PROM1: variants seen among roughly 807,000 people sequenced by gnomAD.
The protein encoded by PROM1 is prominin-1.
In PROM1, 105 loss-of-function variants were observed where a neutral mutation model predicts 116.9. The observed-to-expected ratio is 0.90, with a 90% confidence interval of 0.77 to 1.06. PROM1 has a LOEUF of 1.06. Among genes scored for constraint, PROM1 ranks in the 50% least tolerant of loss-of-function variants. The probability of loss-of-function intolerance (pLI) is 0.00; values close to 1 mark genes in which losing one functional copy is unlikely to be tolerated. For synonymous variants in PROM1, 393 were observed against 387.0 expected (o/e 1.02, Z -0.18); for missense variants, 1,122 against 1,045.2 (o/e 1.07, Z -1.01).
At chr4:16,025,561 C>T (rs1351009390) in intron 5 of PROM1, among the ~76,000 whole-genome samples, 2 of 152,218 alleles carry the variant, frequency 1.3e-5, no homozygotes, top group African/African-American at 4.8e-5. Context: ...CAAAATGACT[C>T]TCGTCAATGG....
At chr4:16,025,632 A>G (rs1327803745) in intron 5 of PROM1, among the ~76,000 whole-genome samples, 4 of 152,226 alleles carry the variant, frequency 2.6e-5, no homozygotes, top group Non-Finnish European at 5.9e-5. Context: ...GGCAGCATGC[A>G]TGATCCAGTC....
chr4:16,003,194 T>A, intron 13 of PROM1: 1 of 425,818 alleles, frequency 2.3e-6, no homozygotes, highest in Non-Finnish European at 4.8e-6. Context: ...TCAGGGGCCA[T>A]GTGATCTTCC....
At chr4:16,053,695 T>C (rs1020753702) in intron 2 of PROM1, among the ~76,000 whole-genome samples, 4 of 152,182 alleles carry the variant, frequency 2.6e-5, no homozygotes, top group African/African-American at 9.6e-5. Flanking sequence ...AAAAGATAAA[T>C]AAAGCAAATA....
At chr4:15,997,079 C>T (rs892679489) in intron 15 of PROM1, among the ~76,000 whole-genome samples, 9 of 151,822 alleles carry the variant, frequency 5.9e-5, no homozygotes, top group African/African-American at 1.9e-4. Flanking sequence ...TTCCCTGTGG[C>T]TCATAGCAGA....
chr4:15,986,066 T>C (rs1207950943), intron 20 of PROM1, 29 bp from the exon 21 acceptor site: 6 of 1,454,466 alleles, frequency 4.1e-6, no homozygotes, highest in Non-Finnish European at 5.7e-6. Context: ...GTTATCAGGG[T>C]ATCAAGTCAT....
chr4:15,979,010 A>AGAAAGAAG (rs1553888640), intron 26 of PROM1, among the ~76,000 whole-genome samples: 1 of 148,442 alleles, frequency 6.7e-6, no homozygotes, highest in East Asian at 2.0e-4. Context: ...AAGGAAGGAA[A>AGAAAGAAG]GAAGGAAGGA....
intron 2 of PROM1, among the ~76,000 whole-genome samples, chr4:16,041,789 T>A (rs6846644): frequency 0.019 from 1,579 of 83,118 alleles, 9 homozygotes; most frequent in Non-Finnish European, 0.025. Flanking sequence ...TAAATAAATA[T>A]ATATATATAT....
chr4:16,039,028 T>C (rs749807998), intron 2 of PROM1, 27 bp from the exon 3 acceptor site: 95 of 1,451,966 alleles, frequency 6.5e-5, no homozygotes, highest in Non-Finnish European at 6.3e-5. Context: ...AAAATAGCAA[T>C]ATTATTTTTT....
intron 22 of PROM1, among the ~76,000 whole-genome samples, chr4:15,985,166 G>C (rs901292018): frequency 7.2e-5 from 11 of 152,208 alleles, no homozygotes; most frequent in African/African-American, 2.6e-4. Flanking sequence ...TATTTACATA[G>C]CATGTACATT....
chr4:15,997,744 C>T, intron 15 of PROM1, among the ~76,000 whole-genome samples: 1 of 152,174 alleles, frequency 6.6e-6, no homozygotes, highest in East Asian at 1.9e-4. Flanking sequence ...GGATTATAGG[C>T]ATGAGCCACT....
chr4:16,043,824 C>T (rs1309468777), intron 2 of PROM1, among the ~76,000 whole-genome samples: 1 of 152,222 alleles, frequency 6.6e-6, no homozygotes, highest in Non-Finnish European at 1.5e-5. Context: ...CTGCCAGCCT[C>T]TCCAGGGTGT....
chr4:15,992,144 A>G (rs1721214853), intron 17 of PROM1, 104 bp downstream of exon 17: 1 of 1,445,306 alleles, frequency 6.9e-7, no homozygotes. Flanking sequence ...ATAGTCTTAC[A>G]TCATGTGAAT....
At chr4:16,020,288 T>C (rs959951575) in intron 8 of PROM1, among the ~76,000 whole-genome samples, 21 of 152,216 alleles carry the variant, frequency 1.4e-4, no homozygotes, top group African/African-American at 5.1e-4. Flanking sequence ...GTATTTTCTC[T>C]TGAATTTCAG....
chr4:16,066,596 C>G (rs1741589751), intron 2 of PROM1, among the ~76,000 whole-genome samples: 1 of 152,196 alleles, frequency 6.6e-6, no homozygotes, highest in Non-Finnish European at 1.5e-5. Flanking sequence ...TGTCATCTCT[C>G]CTGGAAAAGT....
At chr4:15,986,922 C>G (rs1168867920) in intron 20 of PROM1, among the ~76,000 whole-genome samples, 2 of 152,188 alleles carry the variant, frequency 1.3e-5, no homozygotes, top group Middle Eastern at 3.2e-3. Context: ...TCTGAGTTGC[C>G]CATTGGTACT....
chr4:15,987,854 A>G (rs1719854409), intron 19 of PROM1, 138 bp from the exon 20 acceptor site: 2 of 690,664 alleles, frequency 2.9e-6, no homozygotes, highest in Non-Finnish European at 4.8e-6. Context: ...AAAATAACCA[A>G]CACAATTAAC....
intron 27 of PROM1, among the ~76,000 whole-genome samples, chr4:15,970,711 T>C (rs1023225560): frequency 3.9e-5 from 6 of 152,192 alleles, no homozygotes; most frequent in African/African-American, 1.4e-4. Flanking sequence ...ATACTGTATA[T>C]CATCTCTAGA....
intron 3 of PROM1, among the ~76,000 whole-genome samples, chr4:16,037,121 G>T (rs1351776140): frequency 6.6e-6 from 1 of 152,152 alleles, no homozygotes; most frequent in African/African-American, 2.4e-5. Flanking sequence ...GCCACCTAAG[G>T]GTCTCAGGAC....
intron 2 of PROM1, among the ~76,000 whole-genome samples, chr4:16,043,616 G>A (rs576547643): frequency 2.0e-5 from 3 of 152,344 alleles, no homozygotes; most frequent in South Asian, 2.1e-4. Context: ...AACCAGCCCT[G>A]GCAGCATCAC....
Sources: gnomAD v4.1 joint callset for allele counts (sites outside exome capture counted in the v4.1 genomes callset) on GRCh38, gnomAD v4.1.1 for gene constraint, MANE v1.5 for transcripts, NCBI Gene and HGNC (gene_info 2026-07-23, HGNC 2026-07-21) for gene names.